The following CLVS1 variants were observed in gnomAD, a reference collection of about 807,000 sequenced individuals.
The protein encoded by CLVS1 is clavesin 1.
CLVS1 carries 10 observed loss-of-function variants against 33.1 expected under a neutral mutation model. That is an observed-to-expected ratio of 0.30 (90% confidence interval 0.19 to 0.51). The LOEUF is 0.51. CLVS1 is among the 20% of genes least tolerant of loss of function. CLVS1 has a pLI of 0.97. For synonymous variants in CLVS1, 163 were observed against 166.1 expected, an observed-to-expected ratio of 0.98 and a Z score of 0.14; for missense variants, 343 against 433.4, an observed-to-expected ratio of 0.79 and a Z score of 1.85.
intron 3 of CLVS1, among the ~76,000 whole-genome samples, chr8:61,391,804 T>C (rs112541459): frequency 0.01 from 1,568 of 152,294 alleles, 22 homozygotes; most frequent in African/African-American, 0.036. Flanking sequence ...TTAAAGTAGA[T>C]TTCAAGACTT....
chr8:61,349,312 T>C (rs1176928443), intron 2 of CLVS1, among the ~76,000 whole-genome samples: 1 of 152,148 alleles, frequency 6.6e-6, no homozygotes, highest in African/African-American at 2.4e-5. Flanking sequence ...ATGGAGCTTT[T>C]CCCCTATAAT....
At chr8:61,191,196 C>T (rs1017684665) in intron 2 of CLVS1, among the ~76,000 whole-genome samples, 3 of 152,216 alleles carry the variant, frequency 2.0e-5, no homozygotes, top group Non-Finnish European at 4.4e-5. Context: ...TGGGCTTCAT[C>T]CCTGGGATGC....
At chr8:60,998,750 T>C in the CLVS1 span, among the ~76,000 whole-genome samples, 2 of 152,162 alleles carry the variant, frequency 1.3e-5, no homozygotes, top group African/African-American at 2.4e-5. Context: ...AGTGTATTTG[T>C]ATTTGTATTT....
At chr8:61,172,124 A>G (rs917062180) in intron 2 of CLVS1, among the ~76,000 whole-genome samples, 1 of 152,216 alleles carries the variant, frequency 6.6e-6, no homozygotes, top group African/African-American at 2.4e-5. Flanking sequence ...GACTTCATCC[A>G]TCACTTCAAC....
At chr8:61,282,527 A>G (rs2919308) in intron 2 of CLVS1, among the ~76,000 whole-genome samples, 95,299 of 152,032 alleles carry the variant, frequency 0.63, 31,644 homozygotes, top group East Asian at 0.97. Context: ...ACAAGCGGAC[A>G]TGGATTACAA....
rs978016171 is a variant in CLVS1, at chr8:61,074,360, G to A, written c.-243+17130G>A. ...CTCAAATTTAAATATGTGTGTGTGT[G>A]TATATATATATATATAAGTATATGT... On this transcript the variant is annotated intron_variant, in intron 1 of 2. Coordinates refer to the CLVS1 transcript ENST00000522621. Among the ~76,000 whole-genome samples the A allele has an allele frequency of 6.1e-4, 56 of 92,356 alleles. 1 individual carries two copies. The highest frequency in any genetic ancestry group is 8.7e-4 in the Non-Finnish European group (50 of 57,398). The allele number at this position is 92,356 out of a possible 152,430, so 60.6% of individuals were successfully genotyped here.
intron 2 of CLVS1, among the ~76,000 whole-genome samples, chr8:61,269,882 G>A (rs1267766282): frequency 1.3e-5 from 2 of 149,844 alleles, no homozygotes; most frequent in Non-Finnish European, 3.0e-5. Flanking sequence ...AGACTTTGCT[G>A]AAGTTGCTTA....
At chr8:61,276,103 A>G (rs1035120985) in intron 2 of CLVS1, among the ~76,000 whole-genome samples, 5 of 152,210 alleles carry the variant, frequency 3.3e-5, no homozygotes, top group Non-Finnish European at 5.9e-5. Flanking sequence ...TAAGAAACCT[A>G]TGCTTGGGAT....
chr8:61,412,451 A>C (rs551053935), intron 3 of CLVS1, among the ~76,000 whole-genome samples: 24 of 152,344 alleles, frequency 1.6e-4, no homozygotes, highest in Non-Finnish European at 2.9e-4. Context: ...CTCAGACCTC[A>C]GAAAATAGGT....
At chr8:61,330,945 A>G (rs1371830075) in intron 2 of CLVS1, among the ~76,000 whole-genome samples, 1 of 151,732 alleles carries the variant, frequency 6.6e-6, no homozygotes, top group Admixed American at 6.6e-5. Flanking sequence ...AAAATTAGCT[A>G]GGCATGGTGG....
At chr8:61,113,135 G>T (rs968302485) in intron 1 of CLVS1, among the ~76,000 whole-genome samples, 3 of 152,222 alleles carry the variant, frequency 2.0e-5, no homozygotes, top group Admixed American at 6.5e-5. Context: ...GAGAAACAAG[G>T]TGGGCACTCC....
Position 61,228,678 on chromosome 8 carries a change from T to G in CLVS1, c.-151-70999T>G, listed in dbSNP as rs112204172. ...CTTTCTCTGCCTGGCTTATTTCACT[T>G]AATATAATGTCCTCCAGGTTCATCT... On this transcript the variant is annotated intron_variant, in intron 2 of 2. Transcript: ENST00000522621. Among the ~76,000 whole-genome samples, 45 of 152,338 alleles carry G rather than the reference T, an allele frequency of 3.0e-4. 2 individuals carry two copies. The highest frequency in any genetic ancestry group is 1.1e-3 in the African/African-American group (45 of 41,590).
At chr8:61,183,952 C>T (rs191566518) in intron 2 of CLVS1, among the ~76,000 whole-genome samples, 27 of 152,206 alleles carry the variant, frequency 1.8e-4, no homozygotes, top group Non-Finnish European at 2.9e-4. Flanking sequence ...CGTGTTGTTT[C>T]GGAAAAAGTA....
At chr8:61,482,932 A>T (rs1239574710) in intron 5 of CLVS1, among the ~76,000 whole-genome samples, 2 of 151,312 alleles carry the variant, frequency 1.3e-5, no homozygotes, top group African/African-American at 2.4e-5. Flanking sequence ...TCTGGGACAC[A>T]TTTAAAGCAG....
At chr8:61,251,524 C>T (rs1808948521) in intron 2 of CLVS1, among the ~76,000 whole-genome samples, 1 of 152,226 alleles carries the variant, frequency 6.6e-6, no homozygotes, top group South Asian at 2.1e-4. Context: ...TAGAATTGGG[C>T]TATAAATCTG....
intron 3 of CLVS1, chr8:61,390,935 A>C (rs1814278765): frequency 6.6e-6 from 1 of 151,862 alleles, no homozygotes; most frequent in Non-Finnish European, 1.5e-5. Flanking sequence ...CTTTATCCCA[A>C]ATGTTATATA....
At chr8:61,067,749 C>A (rs145871552) in intron 1 of CLVS1, among the ~76,000 whole-genome samples, 32 of 151,886 alleles carry the variant, frequency 2.1e-4, no homozygotes, top group African/African-American at 7.2e-4. Flanking sequence ...ACATGTTCTC[C>A]CTTATAAGTG....
chr8:61,220,240 A>G (rs61491733), intron 2 of CLVS1, among the ~76,000 whole-genome samples: 77 of 152,326 alleles, frequency 5.1e-4, no homozygotes, highest in African/African-American at 1.9e-3. Context: ...GTCCATGCCT[A>G]CATCCTAAAA....
chr8:61,477,161 T>C (rs1361781610), intron 5 of CLVS1, among the ~76,000 whole-genome samples: 1 of 152,204 alleles, frequency 6.6e-6, no homozygotes, highest in Non-Finnish European at 1.5e-5. Context: ...TTGATCATGG[T>C]GGATAAGCTT....
Sources: gnomAD v4.1 joint callset for allele counts (sites outside exome capture counted in the v4.1 genomes callset) on GRCh38, gnomAD v4.1.1 for gene constraint, MANE v1.5 for transcripts, NCBI Gene and HGNC (gene_info 2026-07-23, HGNC 2026-07-21) for gene names.